DOCK4: variants seen among roughly 807,000 people sequenced by gnomAD.
The protein encoded by DOCK4 is dedicator of cytokinesis 4, also known as dedicator of cytokinesis protein 4.
A neutral mutation model predicts 268.1 loss-of-function variants in DOCK4; 97 were observed. The observed-to-expected ratio is 0.36, with a 90% confidence interval of 0.31 to 0.43. DOCK4 has a LOEUF of 0.43. Among genes scored for constraint, DOCK4 ranks in the 20% least tolerant of loss-of-function variants. The pLI is 1.00. For missense variants in DOCK4, 2,145 were observed against 2,455.7 expected, an observed-to-expected ratio of 0.87 and a Z score of 2.67; for synonymous variants, 954 against 887.2, an observed-to-expected ratio of 1.08 and a Z score of -1.34.
chr7:111,907,196 T>C (rs1393567464), intron 13 of DOCK4, among the ~76,000 whole-genome samples: 1 of 152,224 alleles, frequency 6.6e-6, no homozygotes, highest in Non-Finnish European at 1.5e-5. Context: ...TCAGGTTTTC[T>C]CTATTTTCTA....
At chr7:111,910,816 C>T (rs771752209) in intron 13 of DOCK4, among the ~76,000 whole-genome samples, 2 of 152,144 alleles carry the variant, frequency 1.3e-5, no homozygotes, top group Non-Finnish European at 2.9e-5. Flanking sequence ...GGAAGTCTGA[C>T]ACTCTAAGAA....
intron 1 of DOCK4, among the ~76,000 whole-genome samples, chr7:112,030,184 T>G (rs1803152175): frequency 6.6e-6 from 1 of 152,180 alleles, no homozygotes; most frequent in South Asian, 2.1e-4. Context: ...AACTAGCATT[T>G]GGGAGTGTAA....
intron 44 of DOCK4, among the ~76,000 whole-genome samples, chr7:111,744,583 C>G (rs1421805934): frequency 1.3e-5 from 2 of 152,194 alleles, no homozygotes; most frequent in Non-Finnish European, 2.9e-5. Context: ...CCTGAGCTAC[C>G]ATTTAATTCT....
intron 1 of DOCK4, among the ~76,000 whole-genome samples, chr7:112,157,347 C>T (rs1816709088): frequency 6.6e-6 from 1 of 152,012 alleles, no homozygotes; most frequent in South Asian, 2.1e-4. Flanking sequence ...CCCCTTCCTG[C>T]CCTGGACATG....
intron 1 of DOCK4, among the ~76,000 whole-genome samples, chr7:112,170,968 C>G (rs974244247): frequency 2.6e-5 from 4 of 152,190 alleles, no homozygotes; most frequent in African/African-American, 9.7e-5. Context: ...AAAAATCTCT[C>G]AAATCACAAC....
chr7:111,962,262 A>ATATTATTTC (rs1428141828), intron 8 of DOCK4, among the ~76,000 whole-genome samples: 1 of 152,210 alleles, frequency 6.6e-6, no homozygotes, highest in Non-Finnish European at 1.5e-5. Flanking sequence ...CAATCAACAC[A>ATATTATTTC]TATTATTTCT....
chr7:112,135,007 A>G (rs937940536), intron 1 of DOCK4, among the ~76,000 whole-genome samples: 4 of 151,748 alleles, frequency 2.6e-5, no homozygotes, highest in South Asian at 4.1e-4. Context: ...GTGTGTGTGT[A>G]TATATATGTA....
chr7:111,991,130 G>A (rs1357480140), intron 5 of DOCK4, among the ~76,000 whole-genome samples: 1 of 152,180 alleles, frequency 6.6e-6, no homozygotes, highest in Non-Finnish European at 1.5e-5. Flanking sequence ...TGTTTAGTAG[G>A]ATGGACTTGA....
At chr7:111,795,532 A>G (rs950494546) in intron 30 of DOCK4, among the ~76,000 whole-genome samples, 1 of 152,220 alleles carries the variant, frequency 6.6e-6, no homozygotes, top group Non-Finnish European at 1.5e-5. Flanking sequence ...GAGCTGGGAA[A>G]CAACCAGCCC....
chr7:112,185,415 ACT>A (rs1480792516), intron 1 of DOCK4, among the ~76,000 whole-genome samples: 2 of 152,272 alleles, frequency 1.3e-5, no homozygotes, highest in Non-Finnish European at 2.9e-5. Context: ...TACAGGAACA[ACT>A]CTCTCTGTCT....
intron 32 of DOCK4, among the ~76,000 whole-genome samples, chr7:111,785,122 T>C (rs75892902): frequency 0.014 from 2,087 of 152,294 alleles, 49 homozygotes; most frequent in African/African-American, 0.046. Context: ...GTGTTTCCTG[T>C]GCATCCCTCA....
chr7:111,936,485 A>G (rs946266469), intron 11 of DOCK4, among the ~76,000 whole-genome samples: 2 of 148,052 alleles, frequency 1.4e-5, no homozygotes, highest in South Asian at 2.1e-4. Flanking sequence ...CAGTGGTATG[A>G]ATGGATGGAT....
chr7:112,048,623 A>T (rs1473753807), intron 1 of DOCK4, among the ~76,000 whole-genome samples: 1 of 151,822 alleles, frequency 6.6e-6, no homozygotes, highest in East Asian at 1.9e-4. Context: ...TTAAGTACAG[A>T]GGAAGAAAGG....
At chr7:111,852,650 A>G (rs1187470336) in intron 23 of DOCK4, among the ~76,000 whole-genome samples, 1 of 152,210 alleles carries the variant, frequency 6.6e-6, no homozygotes, top group African/African-American at 2.4e-5. Flanking sequence ...GCCAATTGTT[A>G]AGAAAATATC....
At chr7:111,922,602 G>A (rs549329769) in intron 12 of DOCK4, among the ~76,000 whole-genome samples, 1 of 151,538 alleles carries the variant, frequency 6.6e-6, no homozygotes, top group African/African-American at 2.4e-5. Context: ...TTTTTTTTCA[G>A]ATGGAGTCTT....
At chr7:111,946,307 T>C (rs886860588) in intron 8 of DOCK4, among the ~76,000 whole-genome samples, 1 of 152,194 alleles carries the variant, frequency 6.6e-6, no homozygotes, top group Non-Finnish European at 1.5e-5. Context: ...TAAATTTTCT[T>C]TGGTCAACAA....
At chr7:111,752,207 C>T (rs1298524468) in intron 42 of DOCK4, among the ~76,000 whole-genome samples, 1 of 152,092 alleles carries the variant, frequency 6.6e-6, no homozygotes, top group Admixed American at 6.5e-5. Context: ...GGCTTGATGG[C>T]TGTTGAAGCA....
intron 1 of DOCK4, among the ~76,000 whole-genome samples, chr7:112,039,832 C>T (rs1488109514): frequency 7.2e-5 from 11 of 152,140 alleles, no homozygotes; most frequent in Non-Finnish European, 1.2e-4. Context: ...AACACCTGAT[C>T]CCTTTACCTG....
chr7:112,019,762 T>C (rs1802154470), intron 1 of DOCK4, among the ~76,000 whole-genome samples: 1 of 152,230 alleles, frequency 6.6e-6, no homozygotes, highest in African/African-American at 2.4e-5. Flanking sequence ...TCACTGAGTT[T>C]TAAGGTCTTT....
Sources: gnomAD v4.1 joint callset for allele counts (sites outside exome capture counted in the v4.1 genomes callset) on GRCh38, gnomAD v4.1.1 for gene constraint, MANE v1.5 for transcripts, NCBI Gene and HGNC (gene_info 2026-07-23, HGNC 2026-07-21) for gene names.